Variants in CPQ observed in about 807,000 individuals in gnomAD.
CPQ encodes carboxypeptidase Q, also known as Ser-Met dipeptidase.
Under a neutral mutation model 45.7 loss-of-function variants are expected in CPQ, and 37 were observed. The observed-to-expected ratio is 0.81, with a 90% confidence interval of 0.62 to 1.07. CPQ has a LOEUF of 1.07. CPQ is among the 50% of genes least tolerant of loss of function. The probability of loss-of-function intolerance (pLI) is 0.00; values close to 1 mark genes in which losing one functional copy is unlikely to be tolerated. For synonymous variants in CPQ, 186 were observed against 205.8 expected (o/e 0.90, Z 0.82); for missense variants, 537 against 572.9 (o/e 0.94, Z 0.64).
chr8:97,057,755 T>G (rs1810479163), intron 6 of CPQ, among the ~76,000 whole-genome samples: 1 of 152,186 alleles, frequency 6.6e-6, no homozygotes, highest in Non-Finnish European at 1.5e-5. Flanking sequence ...TAGTACAGTA[T>G]TTGGACATTT....
intron 6 of CPQ, among the ~76,000 whole-genome samples, chr8:97,035,483 A>G (rs2130478898): frequency 6.6e-6 from 1 of 152,284 alleles, no homozygotes; most frequent in Non-Finnish European, 1.5e-5. Context: ...TCCACCAACA[A>G]CATGTGGGAG....
chr8:97,053,036 G>A (rs1810388150), intron 6 of CPQ, among the ~76,000 whole-genome samples: 1 of 152,106 alleles, frequency 6.6e-6, no homozygotes, highest in South Asian at 2.1e-4. Context: ...TCACCAACAT[G>A]AGTAACCACA....
At chr8:97,021,970 C>T (rs1039409077) in intron 5 of CPQ, among the ~76,000 whole-genome samples, 12 of 152,102 alleles carry the variant, frequency 7.9e-5, no homozygotes, top group African/African-American at 2.9e-4. Flanking sequence ...GTCACATTAC[C>T]TGATTACAAA....
chr8:97,108,391 G>T (rs1205454311), intron 7 of CPQ, among the ~76,000 whole-genome samples: 1 of 152,116 alleles, frequency 6.6e-6, no homozygotes, highest in Admixed American at 6.6e-5. Context: ...CCAAATAAGA[G>T]ATTTTATTTT....
At chr8:96,847,934 A>C (rs1194061275) in intron 3 of CPQ, among the ~76,000 whole-genome samples, 3 of 137,026 alleles carry the variant, frequency 2.2e-5, no homozygotes, top group Non-Finnish European at 4.6e-5. Flanking sequence ...TAAGGATCTC[A>C]ATATAGGTTT....
At chr8:96,703,793 T>A (rs545200348) in intron 1 of CPQ, among the ~76,000 whole-genome samples, 1 of 152,292 alleles carries the variant, frequency 6.6e-6, no homozygotes, top group East Asian at 1.9e-4. Context: ...TATCCTATAC[T>A]CTGTTTGGCT....
At chr8:96,767,635 CTTTTT>C (rs1172189500) in intron 1 of CPQ, among the ~76,000 whole-genome samples, 2 of 39,278 alleles carry the variant, frequency 5.1e-5, no homozygotes, top group Non-Finnish European at 8.7e-5. Context: ...GTTACCTATG[CTTTTT>C]TTTTTTTTTT....
At chr8:96,928,350 G>T (rs572559900) in intron 4 of CPQ, among the ~76,000 whole-genome samples, 2 of 150,524 alleles carry the variant, frequency 1.3e-5, no homozygotes, top group Non-Finnish European at 1.5e-5. Flanking sequence ...AGGGGTTATC[G>T]TTCCTTTCTT....
At chr8:96,668,597 A>G (rs566698517) in intron 1 of CPQ, among the ~76,000 whole-genome samples, 1 of 152,328 alleles carries the variant, frequency 6.6e-6, no homozygotes, top group Admixed American at 6.5e-5. Flanking sequence ...GTTGTTAAAA[A>G]TTAACGTGTT....
chr8:96,932,334 T>C (rs1812985300), intron 4 of CPQ, among the ~76,000 whole-genome samples: 1 of 152,230 alleles, frequency 6.6e-6, no homozygotes, highest in Non-Finnish European at 1.5e-5. Context: ...ATATACATGT[T>C]CTCATAAACC....
intron 4 of CPQ, among the ~76,000 whole-genome samples, chr8:96,904,216 C>A (rs558993172): frequency 1.3e-5 from 1 of 78,052 alleles, no homozygotes; most frequent in Admixed American, 1.1e-4. Context: ...AAGCTCTCCT[C>A]TCCCAACATT....
intron 1 of CPQ, among the ~76,000 whole-genome samples, chr8:96,691,526 T>TTA (rs926352901): frequency 7.3e-6 from 1 of 137,460 alleles, no homozygotes; most frequent in African/African-American, 2.5e-5. Context: ...CATTTAACAG[T>TTA]TATATATATA....
intron 4 of CPQ, among the ~76,000 whole-genome samples, chr8:96,916,786 T>C (rs896036874): frequency 6.6e-6 from 1 of 152,124 alleles, no homozygotes; most frequent in Non-Finnish European, 1.5e-5. Context: ...ATTTTCTTGT[T>C]TTTGATGGCC....
At chr8:96,790,115 C>T (rs2130813555) in intron 2 of CPQ, among the ~76,000 whole-genome samples, 1 of 152,276 alleles carries the variant, frequency 6.6e-6, no homozygotes, top group Non-Finnish European at 1.5e-5. Flanking sequence ...TTTTCAGCAA[C>T]ACCCTTAAGT....
intron 6 of CPQ, among the ~76,000 whole-genome samples, chr8:97,032,211 C>A (rs1043892788): frequency 6.6e-6 from 1 of 152,140 alleles, no homozygotes; most frequent in African/African-American, 2.4e-5. Context: ...CTAACATAAC[C>A]CAGAAATATA....
In CPQ at chr8:96,842,998, C is replaced by T. The variant is rs532462240; in HGVS notation, c.641+7818C>T. Among the ~76,000 whole-genome samples, 139 of 152,222 alleles carry T rather than the reference C, an allele frequency of 9.1e-4. 1 individual carries two copies. The highest frequency in any genetic ancestry group is 3.7e-3 in the South Asian group (18 of 4,814). On this transcript the variant is annotated intron_variant, in intron 3 of 7. Coordinates refer to ENST00000220763, the MANE Select transcript of CPQ (RefSeq NM_016134.4). Reference sequence around the variant, plus strand: ...TCGGCTAACTGCTACCTCCGCCTCCCGGGTTCAAGCGATTCTCCGGTCTCA... The same window carrying T: ...TCGGCTAACTGCTACCTCCGCCTCCTGGGTTCAAGCGATTCTCCGGTCTCA...
intron 2 of CPQ, among the ~76,000 whole-genome samples, chr8:96,802,347 G>C (rs1811018202): frequency 6.6e-6 from 1 of 152,132 alleles, no homozygotes; most frequent in Non-Finnish European, 1.5e-5. Flanking sequence ...AATCAAGCTG[G>C]TGAGTACATA....
intron 5 of CPQ, among the ~76,000 whole-genome samples, chr8:96,993,202 CTG>C (rs780233498): frequency 6.6e-6 from 1 of 152,206 alleles, no homozygotes; most frequent in Admixed American, 6.6e-5. Context: ...CACTTGGAAA[CTG>C]TTTTTAAGAT....
intron 6 of CPQ, among the ~76,000 whole-genome samples, chr8:97,052,540 AT>A (rs1810380444): frequency 6.6e-6 from 1 of 152,092 alleles, no homozygotes; most frequent in African/African-American, 2.4e-5. Context: ...TATATTTAAT[AT>A]TTTTTAAATT....
Sources: gnomAD v4.1 joint callset for allele counts (sites outside exome capture counted in the v4.1 genomes callset) on GRCh38, gnomAD v4.1.1 for gene constraint, MANE v1.5 for transcripts, NCBI Gene and HGNC (gene_info 2026-07-23, HGNC 2026-07-21) for gene names.